SYN3: variants seen among roughly 807,000 people sequenced by gnomAD.
The protein encoded by SYN3 is synapsin III, also known as synapsin-3.
A neutral mutation model predicts 65.8 loss-of-function variants in SYN3; 35 were observed. The ratio of observed to expected loss-of-function variants is 0.53; its 90% CI spans 0.41 to 0.70. SYN3 has a LOEUF of 0.70. SYN3 is among the 30% of genes least tolerant of loss of function. The probability of loss-of-function intolerance (pLI) is 0.00; values close to 1 mark genes in which losing one functional copy is unlikely to be tolerated. For missense variants in SYN3, 680 were observed against 749.0 expected, an observed-to-expected ratio of 0.91 and a Z score of 1.08; for synonymous variants, 270 against 292.9, an observed-to-expected ratio of 0.92 and a Z score of 0.80.
chr22:32,905,387 G>A (rs988803175), intron 4 of SYN3, among the ~76,000 whole-genome samples: 1 of 152,140 alleles, frequency 6.6e-6, no homozygotes, highest in Non-Finnish European at 1.5e-5. Flanking sequence ...ACCAATAAAT[G>A]TCCCAGAGCA....
At chr22:32,910,991 G>T (rs888057931) in intron 4 of SYN3, among the ~76,000 whole-genome samples, 13 of 152,202 alleles carry the variant, frequency 8.5e-5, no homozygotes, top group African/African-American at 3.1e-4. Flanking sequence ...CAGCTTAACT[G>T]CATGGCTTGT....
intron 1 of SYN3, among the ~76,000 whole-genome samples, chr22:33,024,023 T>C (rs1569411288): frequency 6.6e-6 from 1 of 152,164 alleles, no homozygotes; most frequent in Non-Finnish European, 1.5e-5. Flanking sequence ...ACACTCAGGA[T>C]ACCATACGTT....
chr22:32,597,360 T>A (rs1369908751), intron 6 of SYN3, among the ~76,000 whole-genome samples: 1 of 151,926 alleles, frequency 6.6e-6, no homozygotes, highest in Non-Finnish European at 1.5e-5. Context: ...GGATTACAGA[T>A]GCCTGCCACC....
At chr22:32,663,368 G>A (rs1306311802) in intron 6 of SYN3, among the ~76,000 whole-genome samples, 1 of 145,260 alleles carries the variant, frequency 6.9e-6, no homozygotes, top group Non-Finnish European at 1.5e-5. Flanking sequence ...GCGCCATCTT[G>A]GCTCACTGCA....
At chr22:32,765,318 C>A (rs1292084882) in intron 6 of SYN3, among the ~76,000 whole-genome samples, 1 of 152,150 alleles carries the variant, frequency 6.6e-6, no homozygotes, top group East Asian at 1.9e-4. Context: ...CCGCCACAAA[C>A]CTCGCTCGCC....
intron 7 of SYN3, among the ~76,000 whole-genome samples, chr22:32,575,579 C>T (rs1043336421): frequency 6.6e-6 from 1 of 152,184 alleles, no homozygotes; most frequent in African/African-American, 2.4e-5. Flanking sequence ...ATTTTCCGAC[C>T]ACAACTTTAA....
intron 3 of SYN3, among the ~76,000 whole-genome samples, chr22:32,954,509 G>C (rs1029332659): frequency 5.9e-5 from 9 of 152,252 alleles, no homozygotes; most frequent in African/African-American, 2.2e-4. Context: ...ATTGCTATGA[G>C]CTGGGCTCCA....
At chr22:32,687,161 T>C (rs1310464665) in intron 6 of SYN3, among the ~76,000 whole-genome samples, 1 of 144,314 alleles carries the variant, frequency 6.9e-6, no homozygotes, top group Admixed American at 7.2e-5. Context: ...TTTATTTATT[T>C]ATTTTTATTT....
At chr22:32,555,078 A>G (rs1030949943) in intron 7 of SYN3, among the ~76,000 whole-genome samples, 20 of 152,214 alleles carry the variant, frequency 1.3e-4, no homozygotes, top group African/African-American at 4.8e-4. Context: ...CCTGGCACAT[A>G]GTAGGTCCTC....
chr22:32,694,146 G>T (rs918030886), intron 6 of SYN3, among the ~76,000 whole-genome samples: 1 of 151,358 alleles, frequency 6.6e-6, no homozygotes, highest in African/African-American at 2.4e-5. Flanking sequence ...TTATAGTCTG[G>T]TTTTCATTCT....
At chr22:32,687,405 C>G (rs1267106637) in intron 6 of SYN3, among the ~76,000 whole-genome samples, 1 of 151,776 alleles carries the variant, frequency 6.6e-6, no homozygotes, top group East Asian at 2.0e-4. Flanking sequence ...CTCAAGTGAT[C>G]TGCCCACCTT....
intron 6 of SYN3, among the ~76,000 whole-genome samples, chr22:32,826,266 T>G (rs1285757631): frequency 6.6e-6 from 1 of 152,036 alleles, no homozygotes; most frequent in East Asian, 1.9e-4. Context: ...CCATCTCTAC[T>G]AAAAATACAA....
chr22:32,953,760 T>G (rs1383693946), intron 3 of SYN3, among the ~76,000 whole-genome samples: 1 of 152,148 alleles, frequency 6.6e-6, no homozygotes, highest in Non-Finnish European at 1.5e-5. Flanking sequence ...TTTACTATCC[T>G]TATCACCAAC....
intron 6 of SYN3, among the ~76,000 whole-genome samples, chr22:32,729,450 T>G (rs1247173080): frequency 6.6e-6 from 1 of 152,184 alleles, no homozygotes; most frequent in South Asian, 2.1e-4. Flanking sequence ...ACCTGCTTTG[T>G]GGGCAGATGG....
At chr22:32,971,728 A>G (rs886997566) in intron 3 of SYN3, among the ~76,000 whole-genome samples, 3 of 152,218 alleles carry the variant, frequency 2.0e-5, no homozygotes, top group African/African-American at 7.2e-5. Context: ...AATATCTATC[A>G]AAATTATAAA....
At chr22:32,985,934 GA>G (rs911174548) in intron 2 of SYN3, among the ~76,000 whole-genome samples, 2 of 151,962 alleles carry the variant, frequency 1.3e-5, no homozygotes, top group African/African-American at 4.8e-5. Context: ...TAGCTGGGCT[GA>G]GCGTCCTCCC....
Position 32,509,097 on chromosome 22 carries a change from T to G in SYN3, c.*4595A>C, listed in dbSNP as rs2057663269. Among the ~76,000 whole-genome samples, 1 of 152,248 alleles carries G rather than the reference T, an allele frequency of 6.6e-6. No homozygotes were observed. The highest frequency in any genetic ancestry group is 2.1e-4 in the South Asian group (1 of 4,832). On this transcript the variant is annotated 3_prime_UTR_variant, in exon 14 of 14. Coordinates refer to ENST00000358763, the MANE Select transcript of SYN3 (RefSeq NM_003490.4). ...TAGGGAACTGATGGAAGAGAAAGGATATGCCACTGTTCCTGGAAAGCTGAT... is the reference window on the plus strand; with the variant it reads ...TAGGGAACTGATGGAAGAGAAAGGAGATGCCACTGTTCCTGGAAAGCTGAT...
At chr22:32,691,974 T>C (rs982956761) in intron 6 of SYN3, among the ~76,000 whole-genome samples, 7 of 151,904 alleles carry the variant, frequency 4.6e-5, no homozygotes, top group Non-Finnish European at 8.8e-5. Flanking sequence ...GGTTGGACCC[T>C]GGAGTCATGC....
chr22:32,920,617 A>G (rs2050311742), intron 4 of SYN3, among the ~76,000 whole-genome samples: 1 of 152,120 alleles, frequency 6.6e-6, no homozygotes, highest in African/African-American at 2.4e-5. Context: ...GCACTCCTAG[A>G]ATCTGACCTT....
Sources: allele counts gnomAD v4.1 joint callset (sites outside exome capture counted in the v4.1 genomes callset), GRCh38; gene constraint gnomAD v4.1.1; transcripts MANE v1.5; gene names NCBI Gene and HGNC (gene_info 2026-07-23, HGNC 2026-07-21).